The following MEGF10 variants were observed in gnomAD, a reference collection of about 807,000 sequenced individuals.
The protein encoded by MEGF10 is multiple EGF like domains 10.
A neutral mutation model predicts 147.5 loss-of-function variants in MEGF10; 86 were observed. That is an observed-to-expected ratio of 0.58 (90% CI 0.49 to 0.70). The LOEUF (loss-of-function observed/expected upper bound fraction) is 0.70, where lower values mean the gene tolerates loss of function less well. Among genes scored for constraint, MEGF10 ranks in the 30% least tolerant of loss-of-function variants. The pLI, the probability that MEGF10 is intolerant of heterozygous loss-of-function variation, is 0.00. For synonymous variants in MEGF10, 478 were observed against 525.5 expected (o/e 0.91, Z 1.24); for missense variants, 1,329 against 1,487.3 (o/e 0.89, Z 1.75).
chr5:127,419,096 A>G (rs2126970637), intron 10 of MEGF10, 24 bp from the exon 11 acceptor site: 2 of 1,586,190 alleles, frequency 1.3e-6, no homozygotes, highest in South Asian at 1.2e-5. Flanking sequence ...AATTGAATGC[A>G]TTTTGCTACT....
intron 1 of MEGF10, among the ~76,000 whole-genome samples, chr5:127,298,136 A>G (rs968952135): frequency 6.6e-6 from 1 of 152,174 alleles, no homozygotes; most frequent in Non-Finnish European, 1.5e-5. Flanking sequence ...AATGTTAAAC[A>G]TCCTTGCTTT....
chr5:127,416,274 C>A (rs189135554), intron 9 of MEGF10, among the ~76,000 whole-genome samples: 1 of 151,804 alleles, frequency 6.6e-6, no homozygotes, highest in Non-Finnish European at 1.5e-5. Context: ...GTGATCCGCC[C>A]GCCTCAGCCT....
In MEGF10 at chr5:127,447,695, T is replaced by G; in HGVS notation, c.2856+11T>G. ...ATGACTGTCACGAAGGTGAGAGGAA[T>G]TGGTTCAAGTCTTTGGAAGTGGGCT... is the stretch of plus-strand genomic sequence containing the variant. On this transcript the variant is annotated intron_variant, in intron 21 of 24. Transcript: ENST00000503335. The G allele has an allele frequency of 6.2e-7, 1 of 1,613,948 alleles. No homozygotes were observed. Among genetic ancestry groups the G allele is most frequent in the South Asian group, 1.1e-5 (1 of 91,076 alleles).
intron 2 of MEGF10, 83 bp from the exon 3 acceptor site, chr5:127,339,037 A>G: frequency 5.4e-6 from 4 of 746,338 alleles, no homozygotes; most frequent in South Asian, 6.0e-5. Flanking sequence ...GAGATAATTT[A>G]GCTTACAAAC....
intron 4 of MEGF10, among the ~76,000 whole-genome samples, chr5:127,352,676 CA>C (rs899955941): frequency 3.8e-4 from 54 of 142,074 alleles, no homozygotes; most frequent in South Asian, 1.4e-3. Context: ...AAAAGAAAGA[CA>C]AAAAAAAAAG....
chr5:127,362,660 G>T (rs778588871), intron 4 of MEGF10, among the ~76,000 whole-genome samples: 2 of 152,004 alleles, frequency 1.3e-5, no homozygotes, highest in African/African-American at 4.8e-5. Context: ...CACCGCACCC[G>T]GCCAAATATT....
In MEGF10 at chr5:127,422,640, T is replaced by C. The variant is rs775671257; in HGVS notation, c.1591-30T>C. 98 of 1,586,320 alleles carry C rather than the reference T, an allele frequency of 6.2e-5. 1 individual carries two copies. The highest frequency in any genetic ancestry group is 2.0e-4 in the Admixed American group (12 of 59,926). On this transcript the variant is annotated intron_variant, in intron 12 of 24. Coordinates refer to ENST00000503335, the MANE Select transcript of MEGF10 (RefSeq NM_001256545.2). ...TGTTGTGGGATTTCCCAGGCCCTCATTGCTGCCTTTGATGCTGTTTTCCAT... is the reference window on the plus strand; with the variant it reads ...TGTTGTGGGATTTCCCAGGCCCTCACTGCTGCCTTTGATGCTGTTTTCCAT...
At chr5:127,301,725 A>C (rs898919336) in intron 1 of MEGF10, among the ~76,000 whole-genome samples, 1 of 152,212 alleles carries the variant, frequency 6.6e-6, no homozygotes, top group Non-Finnish European at 1.5e-5. Context: ...ATAATAGCAT[A>C]TACTTCAAAG....
intron 13 of MEGF10, 35 bp downstream of exon 13, chr5:127,422,807 CCCG>C: frequency 6.6e-7 from 1 of 1,525,196 alleles, no homozygotes; most frequent in East Asian, 2.3e-5. Context: ...AAAGGTGAAA[CCCG>C]CCAATTTAAC....
rs1440042756 is a variant in MEGF10, at chr5:127,331,392, T to G, written c.84T>G (p.Leu28=). ...HWIGTASPLN[L]EDPNVCSHWE... ...TTGGGACAGCATCACCTCTGAATCT[T>G]GAAGACCCTAATGTGTGTAGCCACT... The change falls in exon 2 of 25, where the codon CTT becomes CTG. Residue 28 remains leucine, a synonymous_variant. Coordinates refer to ENST00000503335, the MANE Select transcript of MEGF10 (RefSeq NM_001256545.2). 6.2e-7 allele frequency: 1 copy of G among 1,612,396 alleles called. No homozygotes were observed. The highest frequency in any genetic ancestry group is 8.5e-7 in the Non-Finnish European group (1 of 1,178,714).
intron 13 of MEGF10, among the ~76,000 whole-genome samples, chr5:127,426,684 T>G (rs1218031273): frequency 2.0e-5 from 3 of 152,222 alleles, no homozygotes; most frequent in Non-Finnish European, 4.4e-5. Flanking sequence ...TGTATACTTA[T>G]GTATGTGTGT....
chr5:127,402,607 G>A lies in MEGF10; in HGVS notation c.842G>A (p.Cys281Tyr), dbSNP rs1436364667. The A allele has an allele frequency of 6.2e-7, 1 of 1,614,108 alleles. No individual in the cohort carries two copies. Reference sequence around the variant, plus strand: ...TTTGGAAAGAACTGTTCCCAAGAATGCCAGTGCCATAATGGAGGGACGTGT... The same window carrying A: ...TTTGGAAAGAACTGTTCCCAAGAATACCAGTGCCATAATGGAGGGACGTGT... ...GRFGKNCSQE[C>Y]QCHNGGTCDA... is the part of the protein sequence containing the mutation. The change falls in exon 8 of 25, where the codon TGC (cysteine) becomes TAC (tyrosine). Residue 281 changes from cysteine to tyrosine, a missense_variant. Transcript: ENST00000503335.
At position 127,396,606 on chromosome 5, in the gene MEGF10, A is replaced by G. The variant is rs1487924567; in HGVS notation, c.487A>G (p.Ile163Val). 3 of 1,612,752 alleles carry G rather than the reference A, an allele frequency of 1.9e-6. No individual in the cohort carries two copies. Among genetic ancestry groups the G allele is most frequent in the Non-Finnish European group, 1.7e-6 (2 of 1,179,322 alleles). ...CAAAAATGGGGCTCTGTGCAACCCC[A>G]TCACCGGGGCTTGCCACTGTGCTGC... ...QCKNGALCNP[I>V]TGACHCAAGF... The change falls in exon 6 of 25, where the codon ATC becomes GTC. Residue 163 changes from isoleucine to valine, a missense_variant. Transcript: ENST00000503335.
intron 1 of MEGF10, among the ~76,000 whole-genome samples, chr5:127,318,302 A>T (rs945776313): frequency 6.6e-6 from 1 of 152,202 alleles, no homozygotes; most frequent in Non-Finnish European, 1.5e-5. Context: ...ACTAGGTTGT[A>T]GCAGCCTGAC....
At chr5:127,239,781 TAAAG>T in the MEGF10 span, among the ~76,000 whole-genome samples, 6 of 152,170 alleles carry the variant, frequency 3.9e-5, no homozygotes, top group South Asian at 1.0e-3. Flanking sequence ...TTTTGCCCAA[TAAAG>T]AGTTTTTAAA....
chr5:127,396,482 C>A, intron 5 of MEGF10, 50 bp from the exon 6 acceptor site: 1 of 1,478,750 alleles, frequency 6.8e-7, no homozygotes. Flanking sequence ...GCGAAGAAAT[C>A]TGGTTCTCCC....
chr5:127,274,591 A>G, the MEGF10 span, among the ~76,000 whole-genome samples: 1 of 152,132 alleles, frequency 6.6e-6, no homozygotes, highest in Non-Finnish European at 1.5e-5. Flanking sequence ...GATATATTTT[A>G]AAACTTCTAA....
At chr5:127,443,802 AT>A (rs1426388456) in intron 19 of MEGF10, among the ~76,000 whole-genome samples, 2 of 152,166 alleles carry the variant, frequency 1.3e-5, no homozygotes, top group Non-Finnish European at 2.9e-5. Flanking sequence ...ATTCCATTGT[AT>A]GGATATACTA....
At chr5:127,404,355 C>G (rs1764246160) in intron 8 of MEGF10, among the ~76,000 whole-genome samples, 2 of 148,184 alleles carry the variant, frequency 1.3e-5, no homozygotes, top group Admixed American at 6.7e-5. Context: ...CTTATATATG[C>G]TGGTCATTAG....
Sources: allele counts gnomAD v4.1 joint callset (sites outside exome capture counted in the v4.1 genomes callset), GRCh38; gene constraint gnomAD v4.1.1; transcripts MANE v1.5; gene names NCBI Gene and HGNC (gene_info 2026-07-23, HGNC 2026-07-21).